TGFBR1: variants seen among roughly 807,000 people sequenced by gnomAD.
TGFBR1 encodes TGF-beta receptor type-1.
TGFBR1 carries 20 observed loss-of-function variants against 55.1 expected under a neutral mutation model. The observed-to-expected ratio is 0.36, with a 90% CI of 0.26 to 0.53. The LOEUF is 0.53. Ranked by LOEUF, TGFBR1 falls within the 20% of genes least tolerant of loss-of-function variation. TGFBR1 has a pLI of 0.91. For synonymous variants in TGFBR1, 220 were observed against 214.8 expected (o/e 1.02, Z -0.21); for missense variants, 385 against 617.6 (o/e 0.62, Z 3.99).
intron 5 of TGFBR1, 94 bp downstream of exon 5, chr9:99,142,797 G>T: frequency 1.4e-6 from 2 of 1,428,654 alleles, no homozygotes; most frequent in East Asian, 2.3e-5. Flanking sequence ...GGTGGCTCAT[G>T]CCTATAATCC....
intron 4 of TGFBR1, among the ~76,000 whole-genome samples, chr9:99,140,195 A>C (rs1429509732): frequency 2.0e-5 from 3 of 152,216 alleles, no homozygotes; most frequent in Non-Finnish European, 2.9e-5. Context: ...TCACGCCTGT[A>C]ATCCCAGCAC....
Position 99,151,576 on chromosome 9 carries a change from T to C in TGFBR1, c.*2271T>C, listed in dbSNP as rs1588601045. ...GATTTCTCACTTTCATGTAAGGTTATCCACTTTTGCTGAAGATATTTTTTA... is the reference window on the plus strand; with the variant it reads ...GATTTCTCACTTTCATGTAAGGTTACCCACTTTTGCTGAAGATATTTTTTA... On this transcript the variant is annotated 3_prime_UTR_variant, in exon 9 of 9. Coordinates refer to ENST00000374994, the MANE Select transcript of TGFBR1 (RefSeq NM_004612.4). The C allele has an allele frequency of 4.3e-6, 1 of 230,374 alleles. No individual in the cohort carries two copies. The highest frequency in any genetic ancestry group is 6.3e-5 in the East Asian group (1 of 15,910). The allele number at this position is 230,374 out of a possible 1,614,324, so 14.3% of individuals were successfully genotyped here.
rs1473259643 is a variant in TGFBR1 at position 99,105,247 on chromosome 9, C to T, written c.42C>T (p.Leu14=). 6 of 1,063,912 alleles carry T rather than the reference C, an allele frequency of 5.6e-6. No homozygotes were observed. Among genetic ancestry groups the T allele is most frequent in the East Asian group, 1.3e-4 (2 of 15,670 alleles). The allele number at this position is 1,063,912 out of a possible 1,614,324, so 65.9% of individuals were successfully genotyped here. ...AVAAPRPRLL[L]LVLAAAAAAA... is the part of the protein sequence containing the mutation. ...CTGCTCCGCGTCCCCGGCTGCTCCTCCTCGTGCTGGCGGCGGCGGCGGCGG... is the reference window on the plus strand; with the variant it reads ...CTGCTCCGCGTCCCCGGCTGCTCCTTCTCGTGCTGGCGGCGGCGGCGGCGG... The change falls in exon 1 of 9, where the codon CTC becomes CTT. Residue 14 remains leucine, a synonymous_variant. Coordinates refer to ENST00000374994, the MANE Select transcript of TGFBR1 (RefSeq NM_004612.4).
Position 99,151,626 on chromosome 9 carries a change from T to C in TGFBR1, c.*2321T>C, listed in dbSNP as rs1317847470. ...ATTGAATCAAAGATTGAGTTACAAT[T>C]ATACTTTTCTTACCTAAGTGGATAA... On this transcript the variant is annotated 3_prime_UTR_variant, in exon 9 of 9. Coordinates refer to ENST00000374994, the MANE Select transcript of TGFBR1 (RefSeq NM_004612.4). 1 of 229,522 alleles carries C rather than the reference T, an allele frequency of 4.4e-6. No individual in the cohort carries two copies. The highest frequency in any genetic ancestry group is 8.6e-6 in the Non-Finnish European group (1 of 115,638). 14.2% of individuals were successfully genotyped at this position (229,522 alleles called of 1,614,324 possible).
In TGFBR1 at chr9:99,153,649, A is replaced by G. The variant is rs1230849234; in HGVS notation, c.*4344A>G. ...GTGCAAATAAATTACATTTTTCCCA[A>G]GTGCCAGTGGCATATTTTAAAATAA... On this transcript the variant is annotated 3_prime_UTR_variant, in exon 9 of 9. Transcript: ENST00000374994. The G allele has an allele frequency of 2.0e-5, 4 of 197,370 alleles. No individual in the cohort carries two copies. The highest frequency in any genetic ancestry group is 2.3e-5 in the African/African-American group (1 of 43,382). The allele number at this position is 197,370 out of a possible 1,614,324, so 12.2% of individuals were successfully genotyped here. A position where few individuals can be genotyped will look rare whatever the true frequency, so the allele number is the denominator to read the frequency against.
Position 99,149,621 on chromosome 9 carries a change from G to T in TGFBR1, c.*316G>T. On this transcript the variant is annotated 3_prime_UTR_variant, in exon 9 of 9. Transcript: ENST00000374994. ...TAACTTTAGGTAACTCTGCTGTGCT[G>T]GAGATCATCTTTAAGGGCAAAGGAG... is the stretch of plus-strand genomic sequence containing the variant. The T allele has an allele frequency of 5.2e-6, 2 of 384,592 alleles. No homozygotes were observed. Among genetic ancestry groups the T allele is most frequent in the South Asian group, 2.9e-5 (1 of 33,938 alleles). The allele number at this position is 384,592 out of a possible 1,614,324, so 23.8% of individuals were successfully genotyped here. A position where few individuals can be genotyped will look rare whatever the true frequency, so the allele number is the denominator to read the frequency against.
Position 99,132,573 on chromosome 9 carries a change from C to T in TGFBR1, c.408C>T (p.Phe136=), listed in dbSNP as rs773845018. The T allele has an allele frequency of 3.7e-6, 6 of 1,614,162 alleles. No individual in the cohort carries two copies. The highest frequency in any genetic ancestry group is 1.1e-5 in the South Asian group (1 of 91,090). ...CTGTCATTGCTGGACCAGTGTGCTT[C>T]GTCTGCATCTCACTCATGTTGATGG... ...LAAVIAGPVC[F]VCISLMLMVY... Residue 136 remains phenylalanine, a synonymous_variant, in exon 3 of 9, where the codon TTC becomes TTT. Transcript: ENST00000374994.
Position 99,152,325 on chromosome 9 carries a change from G to A in TGFBR1, c.*3020G>A, listed in dbSNP as rs1828001243. Reference sequence around the variant, plus strand: ...TGGCAGCAAGGTGGCTCCTGTGGCAGTGGAGTTGTGCCAGAAACAGTGGCC... The same window carrying A: ...TGGCAGCAAGGTGGCTCCTGTGGCAATGGAGTTGTGCCAGAAACAGTGGCC... On this transcript the variant is annotated 3_prime_UTR_variant, in exon 9 of 9. Coordinates refer to ENST00000374994, the MANE Select transcript of TGFBR1 (RefSeq NM_004612.4). 2 of 219,502 alleles carry A rather than the reference G, an allele frequency of 9.1e-6. No homozygotes were observed. Among genetic ancestry groups the A allele is most frequent in the Non-Finnish European group, 1.8e-5 (2 of 109,058 alleles). The allele number at this position is 219,502 out of a possible 1,614,324, so 13.6% of individuals were successfully genotyped here.
intron 3 of TGFBR1, 118 bp downstream of exon 3, chr9:99,132,857 C>G (rs990070820): frequency 8.2e-6 from 11 of 1,348,232 alleles, no homozygotes; most frequent in Non-Finnish European, 1.1e-5. Context: ...AATAATATTG[C>G]AGGTTTGAAC....
At chr9:99,149,153 A>C in intron 8 of TGFBR1, 27 bp from the exon 9 acceptor site, 1 of 1,560,074 alleles carries the variant, frequency 6.4e-7, no homozygotes, top group Non-Finnish European at 8.7e-7. Context: ...TGCATGCATT[A>C]ATTTTTTTTT....
intron 1 of TGFBR1, among the ~76,000 whole-genome samples, chr9:99,112,200 A>G (rs1564129226): frequency 1.3e-5 from 2 of 152,190 alleles, no homozygotes; most frequent in Non-Finnish European, 2.9e-5. Context: ...AGTTGGTTTG[A>G]TGGCATTGAG....
Position 99,144,743 on chromosome 9 carries a change from A to G in TGFBR1, c.985A>G (p.Ile329Val). ...EIVGTQGKPA[I>V]AHRDLKSKNI... ...TTTTGATTCTTTAGGAAAGCCAGCC[A>G]TTGCTCATAGAGATTTGAAATCAAA... The change falls in exon 6 of 9, where the codon ATT becomes GTT. Residue 329 changes from isoleucine to valine, a missense_variant. By Grantham distance (29) the Ile-to-Val change is conservative (BLOSUM62 3). Transcript: ENST00000374994. 1 of 1,613,906 alleles carries G rather than the reference A, an allele frequency of 6.2e-7. No individual in the cohort carries two copies. The highest frequency in any genetic ancestry group is 8.5e-7 in the Non-Finnish European group (1 of 1,179,886).
chr9:99,138,234 T>C lies in TGFBR1; in HGVS notation c.805+145T>C. On this transcript the variant is annotated intron_variant, in intron 4 of 8. Transcript: ENST00000374994. ...ACCCATTAAGTCGAATACAATATATTAGTAACTTTTAGAACTAGGAACTTC... is the reference window on the plus strand; with the variant it reads ...ACCCATTAAGTCGAATACAATATATCAGTAACTTTTAGAACTAGGAACTTC... The C allele has an allele frequency of 5.8e-6, 4 of 689,688 alleles. No individual in the cohort carries two copies. The South Asian group carries it at 7.2e-5, about 12-fold the overall frequency. The allele number at this position is 689,688 out of a possible 1,614,324, so 42.7% of individuals were successfully genotyped here.
At chr9:99,125,609 C>A (rs1827018540) in intron 1 of TGFBR1, among the ~76,000 whole-genome samples, 1 of 152,060 alleles carries the variant, frequency 6.6e-6, no homozygotes, top group African/African-American at 2.4e-5. Flanking sequence ...TTTACTCTTT[C>A]TTTTACAATG....
At chr9:99,125,336 G>A (rs1588572584) in intron 1 of TGFBR1, among the ~76,000 whole-genome samples, 4 of 152,248 alleles carry the variant, frequency 2.6e-5, no homozygotes, top group Admixed American at 2.6e-4. Flanking sequence ...TGGAAGATAA[G>A]GTTAATATCT....
At chr9:99,128,819 T>C (rs1238471229) in intron 1 of TGFBR1, 36 bp from the exon 2 acceptor site, 4 of 1,612,242 alleles carry the variant, frequency 2.5e-6, no homozygotes, top group Non-Finnish European at 3.4e-6. Context: ...ACTGTTAACC[T>C]TGAGATTTTT....
rs1826371284 is a variant in TGFBR1, at chr9:99,105,244, C to G, written c.39C>G (p.Leu13=). Residue 13 remains leucine (L), a synonymous_variant, in exon 1 of 9, where the codon CTC becomes CTG. Transcript: ENST00000374994. ...AAVAAPRPRL[L]LLVLAAAAAA... ...TCGCTGCTCCGCGTCCCCGGCTGCT[C>G]CTCCTCGTGCTGGCGGCGGCGGCGG... is the stretch of plus-strand genomic sequence containing the variant. The G allele has an allele frequency of 9.4e-7, 1 of 1,066,264 alleles. No homozygotes were observed. Among genetic ancestry groups the G allele is most frequent in the Non-Finnish European group, 1.1e-6 (1 of 886,356 alleles). 66.1% of individuals were successfully genotyped at this position (1,066,264 alleles called of 1,614,324 possible).
At chr9:99,104,433 C>T (rs1006025811), upstream of TGFBR1, among the ~76,000 whole-genome samples, 3 of 151,914 alleles carry the variant, frequency 2.0e-5, no homozygotes, top group Non-Finnish European at 2.9e-5. Flanking sequence ...CTGGGTCTGA[C>T]GCTGGGATCT....
chr9:99,121,167 G>A (rs147016965), intron 1 of TGFBR1, among the ~76,000 whole-genome samples: 200 of 152,286 alleles, frequency 1.3e-3, no homozygotes, highest in African/African-American at 4.7e-3. Context: ...TTATTCTGAT[G>A]CCCTAAATTC....
Sources: gnomAD v4.1 joint callset for allele counts (sites outside exome capture counted in the v4.1 genomes callset) on GRCh38, gnomAD v4.1.1 for gene constraint, MANE v1.5 for transcripts, NCBI Gene and HGNC (gene_info 2026-07-23, HGNC 2026-07-21) for gene names.